Variants in UBE3D observed in about 807,000 individuals in gnomAD.
UBE3D encodes the protein ubiquitin protein ligase E3D, also known as E3 ubiquitin-protein ligase E3D.
Under a neutral mutation model 49.6 loss-of-function variants are expected in UBE3D, and 48 were observed. That is an observed-to-expected ratio of 0.97 (90% CI 0.77 to 1.23). The LOEUF is 1.23. Ranked by LOEUF, UBE3D falls within the 50% of genes most tolerant of loss-of-function variation. The probability of loss-of-function intolerance (pLI) is 0.00; values close to 1 mark genes in which losing one functional copy is unlikely to be tolerated. For synonymous variants in UBE3D, 189 were observed against 174.2 expected (o/e 1.08, Z -0.67); for missense variants, 452 against 468.4 (o/e 0.96, Z 0.32).
At chr6:82,996,255 G>A (rs954124672) in intron 8 of UBE3D, among the ~76,000 whole-genome samples, 1 of 151,808 alleles carries the variant, frequency 6.6e-6, no homozygotes, top group African/African-American at 2.4e-5. Flanking sequence ...TAGGCAAAGG[G>A]ACATGAGAGT....
intron 9 of UBE3D, among the ~76,000 whole-genome samples, chr6:82,954,107 C>T (rs75322508): frequency 0.049 from 7,507 of 152,224 alleles, 237 homozygotes; most frequent in Middle Eastern, 0.099. Flanking sequence ...CAAGATGTTC[C>T]CCGGCCTTAT....
intron 1 of UBE3D, among the ~76,000 whole-genome samples, chr6:83,062,032 C>T (rs1407090271): frequency 6.6e-6 from 1 of 152,088 alleles, no homozygotes; most frequent in Non-Finnish European, 1.5e-5. Context: ...TTTTTCTCCC[C>T]ATTCCTTTTT....
At chr6:82,919,595 C>CA (rs1449499098) in intron 9 of UBE3D, among the ~76,000 whole-genome samples, 1 of 149,564 alleles carries the variant, frequency 6.7e-6, no homozygotes, top group Non-Finnish European at 1.5e-5. Flanking sequence ...GACTCAGTCT[C>CA]AAAAAATAAA....
chr6:82,925,814 C>A (rs1282695189), intron 9 of UBE3D, among the ~76,000 whole-genome samples: 1 of 151,840 alleles, frequency 6.6e-6, no homozygotes, highest in Non-Finnish European at 1.5e-5. Context: ...CAATAAATAC[C>A]CCACAAAATT....
At chr6:83,029,781 G>T (rs891079804) in intron 5 of UBE3D, among the ~76,000 whole-genome samples, 2 of 152,132 alleles carry the variant, frequency 1.3e-5, no homozygotes, top group African/African-American at 2.4e-5. Context: ...ACTGTGAAAT[G>T]TATCTCCCCA....
chr6:82,892,970 G>A lies in UBE3D; in HGVS notation c.*52C>T. ...CTGAGCTGACTGCTGGCCTCGGTGT[G>A]CTCCTGCTTGAGAGCTGTCTGCCGG... On this transcript the variant is annotated 3_prime_UTR_variant, in exon 10 of 10. Coordinates refer to ENST00000369747, the MANE Select transcript of UBE3D (RefSeq NM_198920.3). 6.2e-7 allele frequency: 1 copy of A among 1,610,336 alleles called. No homozygotes were observed. Among genetic ancestry groups the A allele is most frequent in the Non-Finnish European group, 8.5e-7 (1 of 1,177,082 alleles).
intron 8 of UBE3D, among the ~76,000 whole-genome samples, chr6:82,979,597 TTTC>T (rs1777969288): frequency 2.0e-5 from 3 of 152,320 alleles, no homozygotes; most frequent in East Asian, 3.9e-4. Context: ...CCAATACTGA[TTTC>T]TTATTTATTT....
chr6:82,894,693 T>A (rs914885394), intron 9 of UBE3D, among the ~76,000 whole-genome samples: 1 of 152,094 alleles, frequency 6.6e-6, no homozygotes, highest in Admixed American at 6.5e-5. Flanking sequence ...TAGAAGCCTG[T>A]GAATATACCA....
At position 83,054,161 on chromosome 6, in the gene UBE3D, T is replaced by G. The variant is rs900436468; in HGVS notation, c.352A>C (p.Ile118Leu). 4 of 1,613,742 alleles carry G rather than the reference T, an allele frequency of 2.5e-6. No individual in the cohort carries two copies. In the Admixed American group the frequency reaches 6.7e-5, roughly 27 times the overall value. Residue 118 changes from isoleucine (I) to leucine (L), a missense_variant, in exon 3 of 10, where the codon ATA becomes CTA. By Grantham distance (5) the Ile-to-Leu change is conservative. Transcript: ENST00000369747. ...TATATTCCTTACCTGTCTTTTATTATGACTTCACCGCAGGATTGGCAATAA... is the reference window on the plus strand; with the variant it reads ...TATATTCCTTACCTGTCTTTTATTAGGACTTCACCGCAGGATTGGCAATAA... ...TFYCQSCGEV[I>L]IKDRKLLRVL...
Position 83,058,082 on chromosome 6 carries a change from A to G in UBE3D, c.78-60T>C, listed in dbSNP as rs1302046042. The G allele has an allele frequency of 1.5e-5, 24 of 1,549,378 alleles. No homozygotes were observed. In the Middle Eastern group the frequency reaches 1.1e-3, roughly 70 times the overall value. On this transcript the variant is annotated intron_variant, in intron 1 of 9. Transcript: ENST00000369747. ...TCTCACAATGAAAACCACATGATGA[A>G]AGAAACAAAAATGGCCAAGGATCTC...
rs527815223 is a variant in UBE3D at position 83,027,942 on chromosome 6, A to T, written c.668-3904T>A. On this transcript the variant is annotated intron_variant, in intron 5 of 9. Transcript: ENST00000369747. ...CTACGTCTCTTACTCTCTCTTCTAT[A>T]TTTTTTGCCTTTTGTCTCTCTGTGC... Among the ~76,000 whole-genome samples, 12 of 151,886 alleles carry T rather than the reference A, an allele frequency of 7.9e-5. No individual in the cohort carries two copies. In the East Asian group the frequency reaches 2.3e-3, roughly 30 times the overall value.
At chr6:83,029,793 A>T (rs1486294755) in intron 5 of UBE3D, among the ~76,000 whole-genome samples, 1 of 152,174 alleles carries the variant, frequency 6.6e-6, no homozygotes, top group East Asian at 1.9e-4. Flanking sequence ...ATCTCCCCAC[A>T]GTATGTAGCC....
chr6:83,034,841 T>C (rs1782129470), intron 5 of UBE3D, among the ~76,000 whole-genome samples: 2 of 151,620 alleles, frequency 1.3e-5, no homozygotes, highest in Admixed American at 6.6e-5. Context: ...CTAATACACA[T>C]CAAACAAATC....
downstream of UBE3D, among the ~76,000 whole-genome samples, chr6:82,892,058 G>A (rs1040166810): frequency 6.6e-6 from 1 of 152,146 alleles, no homozygotes; most frequent in Non-Finnish European, 1.5e-5. Flanking sequence ...GAAAACTCAG[G>A]GTTTTTGAGG....
At chr6:83,050,565 C>T (rs1307331181) in intron 3 of UBE3D, among the ~76,000 whole-genome samples, 2 of 152,194 alleles carry the variant, frequency 1.3e-5, no homozygotes, top group African/African-American at 2.4e-5. Context: ...AATATGTTTA[C>T]AATTAGTTGA....
chr6:83,013,961 A>G (rs1780522539), intron 8 of UBE3D, among the ~76,000 whole-genome samples: 1 of 152,266 alleles, frequency 6.6e-6, no homozygotes, highest in African/African-American at 2.4e-5. Context: ...CCCCTGAGGT[A>G]GGAAAATAAA....
At chr6:83,059,140 G>A (rs1784003503) in intron 1 of UBE3D, among the ~76,000 whole-genome samples, 2 of 152,086 alleles carry the variant, frequency 1.3e-5, no homozygotes, top group Non-Finnish European at 2.9e-5. Context: ...CTAGCACTTT[G>A]GGAGGCTGAG....
chr6:83,038,547 T>C (rs967668460), intron 4 of UBE3D, 62 bp from the exon 5 acceptor site: 2 of 1,373,248 alleles, frequency 1.5e-6, no homozygotes, highest in Non-Finnish European at 2.0e-6. Flanking sequence ...AATATATAAT[T>C]TTAACATAGT....
chr6:83,019,595 T>C (rs764853930), intron 7 of UBE3D, among the ~76,000 whole-genome samples: 1 of 152,008 alleles, frequency 6.6e-6, no homozygotes, highest in South Asian at 2.1e-4. Flanking sequence ...AGAAAAGGGG[T>C]TTGAAGTGGG....
Sources: allele counts gnomAD v4.1 joint callset (sites outside exome capture counted in the v4.1 genomes callset), GRCh38; gene constraint gnomAD v4.1.1; transcripts MANE v1.5; gene names NCBI Gene and HGNC (gene_info 2026-07-23, HGNC 2026-07-21).